Variants in TRIM33 observed in about 807,000 individuals in gnomAD.
The protein encoded by TRIM33 is E3 ubiquitin-protein ligase TRIM33.
Under a neutral mutation model 125.4 loss-of-function variants are expected in TRIM33, and 20 were observed. The observed-to-expected ratio is 0.16, with a 90% CI of 0.11 to 0.23. The LOEUF (loss-of-function observed/expected upper bound fraction) is 0.23. TRIM33 is among the 10% of genes least tolerant of loss of function. The probability of loss-of-function intolerance (pLI) is 1.00; values close to 1 mark genes in which losing one functional copy is unlikely to be tolerated. For synonymous variants in TRIM33, 564 were observed against 513.9 expected, an observed-to-expected ratio of 1.10 and a Z score of -1.32; for missense variants, 920 against 1,411.4, an observed-to-expected ratio of 0.65 and a Z score of 5.58.
At chr1:114,477,895 T>C (rs1386018878) in intron 1 of TRIM33, among the ~76,000 whole-genome samples, 1 of 152,200 alleles carries the variant, frequency 6.6e-6, no homozygotes, top group African/African-American at 2.4e-5. Context: ...ATACCTGAGA[T>C]GTCACTTATT....
intron 1 of TRIM33, among the ~76,000 whole-genome samples, chr1:114,479,929 G>A (rs960320017): frequency 6.6e-6 from 1 of 151,668 alleles, no homozygotes; most frequent in Admixed American, 6.6e-5. Context: ...GGCCGCCCCT[G>A]CTGGGAAGTG....
chr1:114,428,037 T>C, intron 6 of TRIM33, 143 bp from the exon 7 acceptor site: 1 of 834,540 alleles, frequency 1.2e-6, no homozygotes, highest in Non-Finnish European at 1.8e-6. Context: ...AGCAAGCCTA[T>C]CATCAGAGGA....
At chr1:114,498,253 G>T (rs1043646035) in intron 1 of TRIM33, among the ~76,000 whole-genome samples, 10 of 152,052 alleles carry the variant, frequency 6.6e-5, no homozygotes, top group South Asian at 2.1e-4. Flanking sequence ...TTTTGCCTGG[G>T]GAAGAAAAAC....
intron 11 of TRIM33, among the ~76,000 whole-genome samples, chr1:114,415,946 T>TAAAAA (rs34898099): frequency 3.3e-5 from 3 of 91,520 alleles, no homozygotes; most frequent in African/African-American, 8.2e-5. Flanking sequence ...AGACTCCATC[T>TAAAAA]AAAAAAAAAA....
chr1:114,466,040 C>CA lies in TRIM33; in HGVS notation c.527-1653dup, dbSNP rs550406311. On this transcript the variant is annotated intron_variant, in intron 1 of 19. Transcript: ENST00000358465. ...CTTGGGCGACAGAGAGACTCGGTCTCAAAAAAAAAAATAAATAAATAAAAA... is the reference window on the plus strand; with the variant it reads ...CTTGGGCGACAGAGAGACTCGGTCTCAAAAAAAAAAAATAAATAAATAAAAA... Among the ~76,000 whole-genome samples, 236 of 130,028 alleles carry CA rather than the reference C, an allele frequency of 1.8e-3. 6 individuals are homozygous for CA. The South Asian group carries it at 0.043, about 24-fold the overall frequency. The allele number at this position is 130,028 out of a possible 152,430, so 85.3% of individuals were successfully genotyped here. A position where few individuals can be genotyped will look rare whatever the true frequency, so the allele number is the denominator to read the frequency against.
chr1:114,411,436 T>C (rs543358048), intron 11 of TRIM33, among the ~76,000 whole-genome samples: 1 of 152,320 alleles, frequency 6.6e-6, no homozygotes, highest in South Asian at 2.1e-4. Context: ...TGGTCATAGC[T>C]GTTGGCCAAG....
At chr1:114,402,664 T>A (rs903206145) in intron 16 of TRIM33, 96 bp downstream of exon 16, 38 of 1,346,866 alleles carry the variant, frequency 2.8e-5, no homozygotes, top group Admixed American at 5.0e-5. Context: ...TTAAATGTTA[T>A]CAGGTTTTGT....
intron 1 of TRIM33, among the ~76,000 whole-genome samples, chr1:114,498,410 G>A (rs1204114655): frequency 6.6e-6 from 1 of 152,156 alleles, no homozygotes; most frequent in African/African-American, 2.4e-5. Flanking sequence ...CACTTTGGGA[G>A]GCCAAGGCAG....
At chr1:114,460,221 A>ACAACTG (rs1172004151) in intron 4 of TRIM33, 4 of 209,426 alleles carry the variant, frequency 1.9e-5, no homozygotes, top group African/African-American at 9.2e-5. Context: ...CCACGTAGGC[A>ACAACTG]TTCACGCCAG....
At chr1:114,465,650 A>G (rs1367730259) in intron 1 of TRIM33, among the ~76,000 whole-genome samples, 6 of 152,166 alleles carry the variant, frequency 3.9e-5, no homozygotes, top group African/African-American at 1.4e-4. Flanking sequence ...TTAAAATAAA[A>G]TAATTAAAAT....
intron 4 of TRIM33, among the ~76,000 whole-genome samples, chr1:114,454,480 G>A (rs1301985097): frequency 6.6e-6 from 1 of 151,800 alleles, no homozygotes; most frequent in African/African-American, 2.4e-5. Context: ...GAGCCCAGGA[G>A]TTCAAGACCA....
At chr1:114,458,549 G>A (rs1174641801) in intron 4 of TRIM33, among the ~76,000 whole-genome samples, 1 of 152,076 alleles carries the variant, frequency 6.6e-6, no homozygotes, top group Non-Finnish European at 1.5e-5. Context: ...CCTGACCCAA[G>A]CAATCAGCAG....
At position 114,405,641 on chromosome 1, in the gene TRIM33, T is replaced by G; in HGVS notation, c.2537A>C (p.Asn846Thr). Reference sequence around the variant, plus strand: ...GAGCCCTGACTGTTTGCAGCTTTCATTCATATCTGCAGGTTCAATTTTCAC... The same window carrying G: ...GAGCCCTGACTGTTTGCAGCTTTCAGTCATATCTGCAGGTTCAATTTTCAC... ...NHVKIEPADM[N>T]ESCKQSGLSS... Residue 846 changes from asparagine to threonine, a missense_variant, in exon 15 of 20, where the codon AAT becomes ACT. Asn to Thr is a moderately conservative substitution (Grantham distance 65, BLOSUM62 0). This residue lies in a region of TRIM33 where 407 missense variants were observed against 589.7 expected (regional missense o/e 0.69). Coordinates refer to ENST00000358465, the MANE Select transcript of TRIM33 (RefSeq NM_015906.4). The G allele has an allele frequency of 6.2e-7, 1 of 1,614,212 alleles. No homozygotes were observed. Among genetic ancestry groups the G allele is most frequent in the Non-Finnish European group, 8.5e-7 (1 of 1,180,018 alleles).
In TRIM33 at chr1:114,416,362, T is replaced by A. The variant is rs540753151; in HGVS notation, c.2061+5074A>T. Among the ~76,000 whole-genome samples, 19 of 152,316 alleles carry A rather than the reference T, an allele frequency of 1.2e-4. No individual in the cohort carries two copies. In the South Asian group the frequency reaches 3.7e-3, roughly 30 times the overall value. ...AACATTCCCTGTTTTCCATTTACTA[T>A]CTCCTATTACCTTCTTGCATAAATA... On this transcript the variant is annotated intron_variant, in intron 11 of 19. Coordinates refer to ENST00000358465, the MANE Select transcript of TRIM33 (RefSeq NM_015906.4).
At chr1:114,418,094 C>A (rs1340880519) in intron 11 of TRIM33, among the ~76,000 whole-genome samples, 1 of 152,200 alleles carries the variant, frequency 6.6e-6, no homozygotes, top group Non-Finnish European at 1.5e-5. Flanking sequence ...AATTGACTCA[C>A]AGTTCTGCAT....
chr1:114,468,463 G>C, intron 1 of TRIM33: 1 of 355,418 alleles, frequency 2.8e-6, no homozygotes, highest in South Asian at 2.4e-5. Flanking sequence ...GAGCCAACTG[G>C]GGACAAAGAA....
At chr1:114,459,840 C>T (rs1372144360) in intron 4 of TRIM33, 1 of 152,302 alleles carries the variant, frequency 6.6e-6, no homozygotes, top group Non-Finnish European at 1.5e-5. Context: ...TAGGCCCCAA[C>T]AGATCAGACT....
intron 1 of TRIM33, among the ~76,000 whole-genome samples, chr1:114,485,800 G>A (rs917268358): frequency 3.9e-5 from 6 of 152,198 alleles, no homozygotes; most frequent in African/African-American, 7.2e-5. Context: ...AAATAGAATC[G>A]CAAGTCTCAG....
intron 1 of TRIM33, among the ~76,000 whole-genome samples, chr1:114,501,914 A>G (rs1652743931): frequency 6.6e-6 from 1 of 152,214 alleles, no homozygotes; most frequent in Non-Finnish European, 1.5e-5. Context: ...TAAAAATGGT[A>G]TATTTATGTT....
Sources: gnomAD v4.1 joint callset for allele counts (sites outside exome capture counted in the v4.1 genomes callset) on GRCh38, gnomAD v4.1.1 for gene constraint, gnomAD v4.1.1 regional missense constraint, MANE v1.5 for transcripts, NCBI Gene and HGNC (gene_info 2026-07-23, HGNC 2026-07-21) for gene names.